The following ARFGEF3 variants were observed in gnomAD, a reference collection of about 807,000 sequenced individuals.
ARFGEF3 encodes ARFGEF family member 3, also known as brefeldin A-inhibited guanine nucleotide-exchange protein 3.
ARFGEF3 carries 96 observed loss-of-function variants against 221.7 expected under a neutral mutation model. The observed-to-expected ratio is 0.43, with a 90% confidence interval of 0.37 to 0.51. The LOEUF is 0.51. Ranked by LOEUF, ARFGEF3 falls within the 20% of genes least tolerant of loss-of-function variation. The pLI is 0.00. For missense variants in ARFGEF3, 2,410 were observed against 2,789.9 expected, an observed-to-expected ratio of 0.86 and a Z score of 3.07; for synonymous variants, 1,145 against 1,126.8, an observed-to-expected ratio of 1.02 and a Z score of -0.32.
In ARFGEF3 at chr6:138,318,639, C is replaced by T. The variant is rs117019342; in HGVS notation, c.4475-1064C>T. On this transcript the variant is annotated intron_variant, in intron 27 of 33. Coordinates refer to ENST00000251691, the MANE Select transcript of ARFGEF3 (RefSeq NM_020340.5). ...CAAACACACATGCATTCCAAAAGTC[C>T]TAAAAGGAAATACATCAAAATGTGA... Among the ~76,000 whole-genome samples the T allele has an allele frequency of 1.1e-3, 167 of 152,190 alleles. 2 individuals are homozygous for T. The South Asian group carries it at 0.02, about 18-fold the overall frequency.
chr6:138,333,040 C>T (rs141939216), intron 32 of ARFGEF3, among the ~76,000 whole-genome samples: 7 of 152,278 alleles, frequency 4.6e-5, no homozygotes, highest in South Asian at 2.1e-4. Context: ...AAATTAATAA[C>T]GGTTGTCATA....
At chr6:138,166,179 A>G (rs1309141761) in intron 1 of ARFGEF3, among the ~76,000 whole-genome samples, 2 of 152,240 alleles carry the variant, frequency 1.3e-5, no homozygotes, top group Non-Finnish European at 2.9e-5. Context: ...CTATAGTGGA[A>G]GGCAGATGTT....
chr6:138,258,372 T>G (rs1207037115), intron 10 of ARFGEF3, among the ~76,000 whole-genome samples: 1 of 152,212 alleles, frequency 6.6e-6, no homozygotes, highest in Non-Finnish European at 1.5e-5. Flanking sequence ...GAAGATAATA[T>G]TATGCCCATT....
At chr6:138,211,157 A>G (rs1343632989) in intron 4 of ARFGEF3, among the ~76,000 whole-genome samples, 1 of 152,250 alleles carries the variant, frequency 6.6e-6, no homozygotes, top group Non-Finnish European at 1.5e-5. Flanking sequence ...ATAAGGTGAC[A>G]TTTGTAAAGA....
At chr6:138,294,450 G>A (rs1773226318) in intron 20 of ARFGEF3, among the ~76,000 whole-genome samples, 1 of 152,218 alleles carries the variant, frequency 6.6e-6, no homozygotes, top group South Asian at 2.1e-4. Context: ...TCACATGAGG[G>A]TGGAGCTTTT....
chr6:138,257,621 G>T (rs990595623), intron 10 of ARFGEF3, among the ~76,000 whole-genome samples: 38 of 152,074 alleles, frequency 2.5e-4, no homozygotes, highest in African/African-American at 8.2e-4. Context: ...TAATCCCACG[G>T]TCTTTTCCTG....
chr6:138,279,292 A>C (rs1326680634), intron 13 of ARFGEF3, among the ~76,000 whole-genome samples: 1 of 152,246 alleles, frequency 6.6e-6, no homozygotes, highest in Non-Finnish European at 1.5e-5. Context: ...CGTTGGGATT[A>C]CAGGCATGAG....
At position 138,338,849 on chromosome 6, in the gene ARFGEF3, T is replaced by A. The variant is rs1441447734; in HGVS notation, c.*2363T>A. 1.3e-5 allele frequency: 2 copies of A among 151,792 alleles called. No individual in the cohort carries two copies. The highest frequency in any genetic ancestry group is 4.8e-5 in the African/African-American group (2 of 41,274). 9.4% of individuals were successfully genotyped at this position (151,792 alleles called of 1,614,324 possible). On this transcript the variant is annotated 3_prime_UTR_variant, in exon 34 of 34. Coordinates refer to ENST00000251691, the MANE Select transcript of ARFGEF3 (RefSeq NM_020340.5). Reference sequence around the variant, plus strand: ...ATACTGTATCCCAAAGTATGTTAGTTGTTTGTTTGGAAATCAGCATTCTCC... The same window carrying A: ...ATACTGTATCCCAAAGTATGTTAGTAGTTTGTTTGGAAATCAGCATTCTCC...
intron 7 of ARFGEF3, among the ~76,000 whole-genome samples, chr6:138,243,719 G>GA (rs66483625): frequency 0.2 from 30,062 of 149,438 alleles, 4,507 homozygotes; most frequent in African/African-American, 0.41. Context: ...GAGGAGGAGG[G>GA]AAAAAAAAAG....
intron 2 of ARFGEF3, among the ~76,000 whole-genome samples, chr6:138,194,129 G>A (rs973756812): frequency 1.3e-5 from 2 of 152,032 alleles, no homozygotes; most frequent in African/African-American, 2.4e-5. Flanking sequence ...TTAGCCAGGC[G>A]TGGTGGCGGG....
chr6:138,290,649 T>A (rs1779386672), intron 18 of ARFGEF3, among the ~76,000 whole-genome samples: 2 of 152,186 alleles, frequency 1.3e-5, no homozygotes, highest in African/African-American at 2.4e-5. Flanking sequence ...ACAGACCCAG[T>A]ACCGTGGAAG....
chr6:138,271,986 T>C (rs1026135942), intron 12 of ARFGEF3, among the ~76,000 whole-genome samples: 3 of 152,106 alleles, frequency 2.0e-5, no homozygotes, highest in Non-Finnish European at 2.9e-5. Context: ...GGGGAAACCA[T>C]GGTGGCTGAA....
intron 31 of ARFGEF3, among the ~76,000 whole-genome samples, chr6:138,324,788 T>C (rs1382204821): frequency 1.3e-5 from 2 of 152,236 alleles, no homozygotes; most frequent in Non-Finnish European, 2.9e-5. Context: ...GTTGAATCAA[T>C]AGGTTACTGA....
rs773431363 is a variant in ARFGEF3 at position 138,261,647 on chromosome 6, G to A, written c.1217+8G>A. The A allele has an allele frequency of 1.1e-5, 16 of 1,497,452 alleles. No individual in the cohort carries two copies. Among genetic ancestry groups the A allele is most frequent in the Non-Finnish European group, 1.4e-5 (15 of 1,105,548 alleles). The allele number at this position is 1,497,452 out of a possible 1,614,324, so 92.8% of individuals were successfully genotyped here. ...TCTGGATCTCCTCAAACTGTATGAT[G>A]TTTATCCTTTTAAGTCTTTATTGAG... On this transcript the variant is annotated splice_region_variant and intron_variant, in intron 11 of 33. Coordinates refer to ENST00000251691, the MANE Select transcript of ARFGEF3 (RefSeq NM_020340.5).
rs1562369131 is a variant in ARFGEF3 at position 138,255,506 on chromosome 6, C to T, written c.841C>T (p.His281Tyr). The T allele has an allele frequency of 6.2e-7, 1 of 1,614,014 alleles. No homozygotes were observed. Among genetic ancestry groups the T allele is most frequent in the Non-Finnish European group, 8.5e-7 (1 of 1,179,878 alleles). Residue 281 changes from histidine (H) to tyrosine (Y), a missense_variant, in exon 10 of 34, where the codon CAC becomes TAC. By Grantham distance (83) the His-to-Tyr change is moderately conservative (BLOSUM62 2). Transcript: ENST00000251691. ...PIHDKTITSAHTSSTSTSLES... is the reference protein window; with the variant it reads ...PIHDKTITSAYTSSTSTSLES... ...TCATGACAAAACCATCACCTCTGCT[C>T]ACACCAGCAGCACCAGTACCAGCCT...
intron 1 of ARFGEF3, among the ~76,000 whole-genome samples, chr6:138,166,339 A>G (rs74494803): frequency 8.7e-4 from 133 of 152,358 alleles, no homozygotes; most frequent in African/African-American, 3.0e-3. Flanking sequence ...CAGTCTCCCT[A>G]TCCGGAGATA....
Position 138,308,743 on chromosome 6 carries a change from A to G in ARFGEF3, c.3978A>G (p.Lys1326=). 6.2e-7 allele frequency: 1 copy of G among 1,613,884 alleles called. No individual in the cohort carries two copies. The highest frequency in any genetic ancestry group is 1.3e-5 in the African/African-American group (1 of 75,066). The change falls in exon 24 of 34, where the codon AAA becomes AAG. Residue 1326 remains lysine, a synonymous_variant. Transcript: ENST00000251691. ...EYLVGDYSMG[K]GQAPVFDVFE... is the part of the protein sequence containing the mutation. ...TCTATAATCTTCCTCCCTTAGGAAA[A>G]GGCCAAGCTCCAGTGTTTGATGTAT...
intron 8 of ARFGEF3, among the ~76,000 whole-genome samples, chr6:138,253,272 T>C (rs1342612370): frequency 6.6e-6 from 1 of 151,954 alleles, no homozygotes; most frequent in African/African-American, 2.4e-5. Flanking sequence ...GGTCAGTTTT[T>C]CTATAAATCT....
chr6:138,244,324 A>G (rs1230655090), intron 7 of ARFGEF3, among the ~76,000 whole-genome samples: 1 of 152,192 alleles, frequency 6.6e-6, no homozygotes, highest in African/African-American at 2.4e-5. Flanking sequence ...TACCGTCATC[A>G]TTCATTTATA....
Sources: gnomAD v4.1 joint callset for allele counts (sites outside exome capture counted in the v4.1 genomes callset) on GRCh38, gnomAD v4.1.1 for gene constraint, MANE v1.5 for transcripts, NCBI Gene and HGNC (gene_info 2026-07-23, HGNC 2026-07-21) for gene names.